The following C8orf34 variants were observed in gnomAD, a reference collection of about 807,000 sequenced individuals.
C8orf34 encodes uncharacterized protein C8orf34.
A neutral mutation model predicts 68.3 loss-of-function variants in C8orf34; 65 were observed. That is an observed-to-expected ratio of 0.95 (90% CI 0.78 to 1.17). C8orf34 has a LOEUF of 1.17. C8orf34 is among the 50% of genes most tolerant of loss of function. C8orf34 has a pLI of 0.00. For missense variants in C8orf34, 664 were observed against 655.4 expected (o/e 1.01, Z -0.14); for synonymous variants, 244 against 241.2 (o/e 1.01, Z -0.11).
At chr8:68,401,151 T>C (rs1416225038) in intron 1 of C8orf34, among the ~76,000 whole-genome samples, 1 of 149,090 alleles carries the variant, frequency 6.7e-6, no homozygotes, top group African/African-American at 2.5e-5. Flanking sequence ...TAAATGTGAA[T>C]GCCTTCTTGA....
intron 7 of C8orf34, among the ~76,000 whole-genome samples, chr8:68,586,371 G>A (rs1263547034): frequency 6.6e-6 from 1 of 152,044 alleles, no homozygotes; most frequent in Non-Finnish European, 1.5e-5. Context: ...GGGCCAGTTT[G>A]GCCACTTCCT....
intron 7 of C8orf34, among the ~76,000 whole-genome samples, chr8:68,566,521 C>A (rs574369462): frequency 6.6e-6 from 1 of 152,296 alleles, no homozygotes; most frequent in Non-Finnish European, 1.5e-5. Context: ...CACCTTGCAC[C>A]TTTCTATTAT....
chr8:68,646,904 A>G (rs1481082367), intron 8 of C8orf34, among the ~76,000 whole-genome samples: 1 of 152,214 alleles, frequency 6.6e-6, no homozygotes, highest in East Asian at 1.9e-4. Flanking sequence ...CTTAGCTATT[A>G]TGAATAATGC....
chr8:68,758,596 C>T (rs1822935545), intron 10 of C8orf34, among the ~76,000 whole-genome samples: 1 of 152,050 alleles, frequency 6.6e-6, no homozygotes, highest in South Asian at 2.1e-4. Flanking sequence ...TTAAGCTTTT[C>T]AAGTCAGCTA....
At chr8:68,493,606 C>T (rs1813403953) in intron 5 of C8orf34, among the ~76,000 whole-genome samples, 1 of 152,190 alleles carries the variant, frequency 6.6e-6, no homozygotes, top group African/African-American at 2.4e-5. Flanking sequence ...AAAATACCAT[C>T]TGTTATGGTT....
intron 8 of C8orf34, among the ~76,000 whole-genome samples, chr8:68,677,130 G>T (rs1820216530): frequency 6.6e-6 from 1 of 152,094 alleles, no homozygotes; most frequent in Non-Finnish European, 1.5e-5. Flanking sequence ...ACGAATTTTG[G>T]AACCTATACA....
At chr8:68,706,141 T>C (rs1409580391) in intron 8 of C8orf34, among the ~76,000 whole-genome samples, 1 of 152,220 alleles carries the variant, frequency 6.6e-6, no homozygotes, top group African/African-American at 2.4e-5. Flanking sequence ...CACTGATTTA[T>C]AGTCACCAAT....
chr8:68,730,860 C>A (rs1313804022), intron 10 of C8orf34, among the ~76,000 whole-genome samples: 1 of 152,010 alleles, frequency 6.6e-6, no homozygotes, highest in East Asian at 1.9e-4. Context: ...AGCATGAGAT[C>A]CCAGTCATGA....
At chr8:68,639,047 T>G (rs565054212) in intron 7 of C8orf34, among the ~76,000 whole-genome samples, 1 of 152,168 alleles carries the variant, frequency 6.6e-6, no homozygotes, top group Admixed American at 6.6e-5. Flanking sequence ...CAGACTCTCA[T>G]GAGTGTTTAA....
At chr8:68,603,911 A>G (rs959853317) in intron 7 of C8orf34, among the ~76,000 whole-genome samples, 9 of 152,150 alleles carry the variant, frequency 5.9e-5, no homozygotes, top group Admixed American at 4.6e-4. Flanking sequence ...CCATGGTCTA[A>G]AATTTACAGA....
intron 3 of C8orf34, among the ~76,000 whole-genome samples, chr8:68,463,623 A>C (rs1811958944): frequency 2.0e-5 from 3 of 152,226 alleles, no homozygotes; most frequent in African/African-American, 7.2e-5. Context: ...CCTGGGATGC[A>C]AGGCTGGTTC....
intron 3 of C8orf34, among the ~76,000 whole-genome samples, chr8:68,458,041 A>G (rs900433272): frequency 6.6e-6 from 1 of 152,042 alleles, no homozygotes; most frequent in African/African-American, 2.4e-5. Flanking sequence ...ATCACCCAGC[A>G]TGGGTGATTA....
intron 10 of C8orf34, among the ~76,000 whole-genome samples, chr8:68,771,041 A>G: frequency 6.6e-6 from 1 of 152,162 alleles, no homozygotes; most frequent in Non-Finnish European, 1.5e-5. Flanking sequence ...TTTATTTGGA[A>G]GATTGTGGGC....
chr8:68,518,619 C>T (rs570354433), intron 5 of C8orf34, among the ~76,000 whole-genome samples: 43 of 152,066 alleles, frequency 2.8e-4, no homozygotes, highest in African/African-American at 7.7e-4. Flanking sequence ...AATTTGTGGC[C>T]GGGTGCGGTG....
In C8orf34 at chr8:68,722,604, T is replaced by G. The variant is rs546159568; in HGVS notation, c.1404+1167T>G. Among the ~76,000 whole-genome samples, 5 of 152,214 alleles carry G rather than the reference T, an allele frequency of 3.3e-5. No homozygotes were observed. In the South Asian group the frequency reaches 1.0e-3, roughly 32 times the overall value. ...CCCTATTTAAAATTTTGCATTTCCC[T>G]TCTTTATTTTTTATACAGTACTTAT... On this transcript the variant is annotated intron_variant, in intron 10 of 13. Transcript: ENST00000518698.
chr8:68,596,979 A>G (rs79394871), intron 7 of C8orf34, among the ~76,000 whole-genome samples: 2 of 152,170 alleles, frequency 1.3e-5, no homozygotes, highest in African/African-American at 2.4e-5. Flanking sequence ...TTCCATGTAC[A>G]TGCGGTTTCT....
intron 1 of C8orf34, among the ~76,000 whole-genome samples, chr8:68,350,143 C>T (rs1232137475): frequency 6.6e-6 from 1 of 151,816 alleles, no homozygotes; most frequent in East Asian, 1.9e-4. Flanking sequence ...TAGCTGTGTC[C>T]CAGAGATTCT....
intron 10 of C8orf34, among the ~76,000 whole-genome samples, chr8:68,765,641 A>G (rs1421851328): frequency 6.6e-6 from 1 of 152,220 alleles, no homozygotes; most frequent in Non-Finnish European, 1.5e-5. Context: ...CTACACATTT[A>G]CTACCAGCAA....
chr8:68,763,919 C>T (rs7822340), intron 10 of C8orf34, among the ~76,000 whole-genome samples: 45,709 of 152,016 alleles, frequency 0.3, 7,592 homozygotes, highest in African/African-American at 0.44. Flanking sequence ...GTCCATGGGA[C>T]CAAGATGTAT....
Sources: allele counts gnomAD v4.1 joint callset (sites outside exome capture counted in the v4.1 genomes callset), GRCh38; gene constraint gnomAD v4.1.1; transcripts MANE v1.5; gene names NCBI Gene and HGNC (gene_info 2026-07-23, HGNC 2026-07-21).